Variants in BPTF observed in about 807,000 individuals in gnomAD.
BPTF encodes the protein bromodomain PHD finger transcription factor, also known as nucleosome-remodeling factor subunit BPTF.
A neutral mutation model predicts 292.5 loss-of-function variants in BPTF; 18 were observed. The ratio of observed to expected loss-of-function variants is 0.06; its 90% CI spans 0.04 to 0.09. The LOEUF is 0.09. Ranked by LOEUF, BPTF falls within the 10% of genes least tolerant of loss-of-function variation. The probability of loss-of-function intolerance (pLI) is 1.00; values close to 1 mark genes in which losing one functional copy is unlikely to be tolerated. For missense variants in BPTF, 2,726 were observed against 3,498.7 expected (o/e 0.78, Z 5.57); for synonymous variants, 1,225 against 1,251.9 (o/e 0.98, Z 0.45).
chr17:67,875,056 T>G, intron 4 of BPTF, 36 bp downstream of exon 4: 1 of 1,534,928 alleles, frequency 6.5e-7, no homozygotes, highest in Non-Finnish European at 8.9e-7. Context: ...AAATATTTCA[T>G]TAGTGTTATT....
intron 23 of BPTF, among the ~76,000 whole-genome samples, chr17:67,953,125 C>G (rs1290531342): frequency 1.3e-5 from 2 of 151,876 alleles, no homozygotes; most frequent in African/African-American, 4.8e-5. Context: ...CAACGCCTGG[C>G]TAGTTTTTTG....
At position 67,886,782 on chromosome 17, in the gene BPTF, T is replaced by C. The variant is rs193187543; in HGVS notation, c.1865-5062T>C. On this transcript the variant is annotated intron_variant, in intron 4 of 27. Transcript: ENST00000306378. Reference sequence around the variant, plus strand: ...CCTGCTTTTTTTACTCAGTGATACATGGAGAGAATCTTTTTGTGTTATGAA... The same window carrying C: ...CCTGCTTTTTTTACTCAGTGATACACGGAGAGAATCTTTTTGTGTTATGAA... Among the ~76,000 whole-genome samples the C allele has an allele frequency of 7.9e-5, 12 of 152,362 alleles. No individual in the cohort carries two copies. The East Asian group carries it at 2.3e-3, about 29-fold the overall frequency.
At chr17:67,839,399 T>G (rs768980690) in intron 1 of BPTF, among the ~76,000 whole-genome samples, 6 of 152,156 alleles carry the variant, frequency 3.9e-5, no homozygotes, top group Admixed American at 6.5e-5. Context: ...TTTAAGATGA[T>G]CATATAGTTT....
chr17:67,920,054 A>C lies in BPTF; in HGVS notation c.5468A>C (p.Lys1823Thr), dbSNP rs747382245. 6.2e-7 allele frequency: 1 copy of C among 1,612,086 alleles called. No individual in the cohort carries two copies. The highest frequency in any genetic ancestry group is 1.1e-5 in the South Asian group (1 of 90,970). The change falls in exon 13 of 28, where the codon AAG becomes ACG. Residue 1823 changes from lysine (K) to threonine (T), a missense_variant. Lys to Thr is a moderately conservative substitution (Grantham distance 78). Coordinates refer to ENST00000306378, the MANE Select transcript of BPTF (RefSeq NM_182641.4). ...GAAATCACAACAACAGAAATAATTA[A>C]GAGGAGAGATGTTGGTCCTTATGGC... ...ETEITTTEIIKRRDVGPYGIR... is the reference protein window; with the variant it reads ...ETEITTTEIITRRDVGPYGIR...
intron 1 of BPTF, among the ~76,000 whole-genome samples, chr17:67,846,946 C>T (rs922516584): frequency 6.6e-6 from 1 of 152,060 alleles, no homozygotes. Flanking sequence ...AGTGATCCAC[C>T]CGCCTTGGCC....
chr17:67,908,866 A>C (rs1598582561), intron 9 of BPTF, among the ~76,000 whole-genome samples: 3 of 119,442 alleles, frequency 2.5e-5, no homozygotes, highest in Non-Finnish European at 1.6e-5. Context: ...ACGGAGTCTC[A>C]CTCTGTCGCC....
chr17:67,954,991 A>C (rs4790974), intron 23 of BPTF, among the ~76,000 whole-genome samples: 2 of 152,010 alleles, frequency 1.3e-5, no homozygotes, highest in Admixed American at 1.3e-4. Flanking sequence ...AATATTTGTG[A>C]TATGTTTAAA....
intron 1 of BPTF, among the ~76,000 whole-genome samples, chr17:67,836,726 A>G (rs1453222153): frequency 2.6e-5 from 4 of 152,216 alleles, no homozygotes; most frequent in African/African-American, 9.6e-5. Flanking sequence ...AGGCAGAAAG[A>G]AAGTGCAGTT....
chr17:67,888,429 A>G (rs991546398), intron 4 of BPTF, among the ~76,000 whole-genome samples: 6 of 152,030 alleles, frequency 3.9e-5, no homozygotes, highest in African/African-American at 1.4e-4. Flanking sequence ...TCTACTAAAA[A>G]TACAAAAAAT....
intron 1 of BPTF, among the ~76,000 whole-genome samples, chr17:67,834,188 T>G (rs2056948851): frequency 6.6e-6 from 1 of 152,204 alleles, no homozygotes; most frequent in Admixed American, 6.5e-5. Context: ...ACCATGTGCA[T>G]TAAGTGTTTT....
intron 27 of BPTF, among the ~76,000 whole-genome samples, chr17:67,980,712 G>A (rs2070240488): frequency 6.6e-6 from 1 of 152,144 alleles, no homozygotes; most frequent in South Asian, 2.1e-4. Flanking sequence ...GAGAGATGGA[G>A]GCCTAGGCTG....
At chr17:67,857,291 G>A (rs1025114351) in intron 2 of BPTF, among the ~76,000 whole-genome samples, 2 of 151,132 alleles carry the variant, frequency 1.3e-5, no homozygotes, top group Non-Finnish European at 2.9e-5. Flanking sequence ...CCTCCGAGTA[G>A]CTGGGACTAC....
At chr17:67,883,448 CATT>C (rs1213948008) in intron 4 of BPTF, among the ~76,000 whole-genome samples, 2 of 143,524 alleles carry the variant, frequency 1.4e-5, no homozygotes, top group African/African-American at 4.9e-5. Flanking sequence ...AGAGCATTTA[CATT>C]ATTATAAATT....
Position 67,975,865 on chromosome 17 carries a change from G to A in BPTF, c.8633G>A (p.Arg2878His), listed in dbSNP as rs782448885. The A allele has an allele frequency of 6.2e-7, 1 of 1,613,872 alleles. No individual in the cohort carries two copies. The highest frequency in any genetic ancestry group is 8.5e-7 in the Non-Finnish European group (1 of 1,179,970). ...ADMTKIFDNC[R>H]YYNPSDSPFY... ...ATGACCAAAATTTTTGATAACTGTC[G>A]TTACTACAATCCAAGTGACTCCCCA... Residue 2878 changes from arginine (R) to histidine (H), a missense_variant, in exon 27 of 28, where the codon CGT (arginine) becomes CAT (histidine). By Grantham distance (29) the Arg-to-His change is conservative (BLOSUM62 0). This residue lies in a region of BPTF where 27 missense variants were observed against 66.1 expected (regional missense o/e 0.41). Transcript: ENST00000306378.
At chr17:67,948,794 C>G (rs1555676902) in intron 23 of BPTF, among the ~76,000 whole-genome samples, 1 of 152,140 alleles carries the variant, frequency 6.6e-6, no homozygotes, top group African/African-American at 2.4e-5. Context: ...TCGAGACCAT[C>G]CTGGCCAACA....
At position 67,829,860 on chromosome 17, in the gene BPTF, C is replaced by G. The variant is rs2056502456; in HGVS notation, c.613+3523C>G. 2.6e-5 allele frequency among the ~76,000 whole-genome samples: 4 copies of G among 152,246 alleles called. No individual in the cohort carries two copies. The South Asian group carries it at 8.3e-4, about 32-fold the overall frequency. Reference sequence around the variant, plus strand: ...AGCTCACTCCTAATACAAGAAATAACTCAGTATTTTGTAGGTAATGTAACA... The same window carrying G: ...AGCTCACTCCTAATACAAGAAATAAGTCAGTATTTTGTAGGTAATGTAACA... On this transcript the variant is annotated intron_variant, in intron 1 of 27. Transcript: ENST00000306378.
At chr17:67,847,653 C>T (rs556336245) in intron 1 of BPTF, among the ~76,000 whole-genome samples, 30 of 140,474 alleles carry the variant, frequency 2.1e-4, no homozygotes, top group East Asian at 4.1e-4. Flanking sequence ...CCAGCCTGGG[C>T]GACAGAGCCA....
Position 67,945,824 on chromosome 17 carries a change from A to G in BPTF, c.7116A>G (p.Ser2372=), listed in dbSNP as rs782076440. 1.2e-6 allele frequency: 2 copies of G among 1,614,196 alleles called. No individual in the cohort carries two copies. Among genetic ancestry groups the G allele is most frequent in the South Asian group, 2.2e-5 (2 of 91,076 alleles). The change falls in exon 21 of 28, where the codon TCA becomes TCG. Residue 2372 remains serine, a synonymous_variant. Transcript: ENST00000306378. The stretch of plus-strand genomic sequence containing the variant: ...AATCCCAGGTTCAGACTACAACCTC[A>G]CAACCGATTCCAATTCAACCACATA... The part of the protein sequence containing the change: ...GQQSQVQTTT[S]QPIPIQPHTS...
Position 67,983,279 on chromosome 17 carries a change from C to G in BPTF, c.*991C>G, listed in dbSNP as rs2070609193. Reference sequence around the variant, plus strand: ...GGATTTCTCCAGGACAGCAGTGGCCCCTCGTTTTATCATTCCCAGTCCATT... The same window carrying G: ...GGATTTCTCCAGGACAGCAGTGGCCGCTCGTTTTATCATTCCCAGTCCATT... On this transcript the variant is annotated 3_prime_UTR_variant, in exon 28 of 28. Transcript: ENST00000306378. 2 of 152,670 alleles carry G rather than the reference C, an allele frequency of 1.3e-5. No homozygotes were observed. Among genetic ancestry groups the G allele is most frequent in the Admixed American group, 6.5e-5 (1 of 15,282 alleles). The allele number at this position is 152,670 out of a possible 1,614,324, so 9.5% of individuals were successfully genotyped here.
Sources: allele counts gnomAD v4.1 joint callset (sites outside exome capture counted in the v4.1 genomes callset), GRCh38; gene constraint gnomAD v4.1.1; regional missense constraint gnomAD v4.1.1; transcripts MANE v1.5; gene names NCBI Gene and HGNC (gene_info 2026-07-23, HGNC 2026-07-21).